TENM2: variants seen among roughly 807,000 people sequenced by gnomAD.
The protein encoded by TENM2 is teneurin-2.
A neutral mutation model predicts 245.2 loss-of-function variants in TENM2; 52 were observed. The ratio of observed to expected loss-of-function variants is 0.21; its 90% confidence interval spans 0.17 to 0.27. TENM2 has a LOEUF of 0.27. TENM2 is among the 10% of genes least tolerant of loss of function. The pLI, the probability that TENM2 is intolerant of heterozygous loss-of-function variation, is 1.00. For synonymous variants in TENM2, 1,363 were observed against 1,438.9 expected, an observed-to-expected ratio of 0.95 and a Z score of 1.19; for missense variants, 3,046 against 3,666.8, an observed-to-expected ratio of 0.83 and a Z score of 4.37.
At chr5:167,963,810 A>G (rs1213675661) in intron 4 of TENM2, among the ~76,000 whole-genome samples, 1 of 151,876 alleles carries the variant, frequency 6.6e-6, no homozygotes, top group Non-Finnish European at 1.5e-5. Context: ...TGATGAGTAC[A>G]TTGGAGGGGC....
the TENM2 span, among the ~76,000 whole-genome samples, chr5:167,044,805 T>C: frequency 6.6e-6 from 1 of 152,206 alleles, no homozygotes; most frequent in African/African-American, 2.4e-5. Flanking sequence ...GCTTTGTCTA[T>C]TAGTAAAATA....
At chr5:167,622,392 C>G (rs1778234412) in intron 2 of TENM2, among the ~76,000 whole-genome samples, 1 of 152,028 alleles carries the variant, frequency 6.6e-6, no homozygotes, top group Admixed American at 6.6e-5. Flanking sequence ...AAAGAAGAAG[C>G]CTCAGATGAA....
At chr5:167,933,664 T>C (rs1312273999) in intron 3 of TENM2, among the ~76,000 whole-genome samples, 1 of 151,590 alleles carries the variant, frequency 6.6e-6, no homozygotes, top group Non-Finnish European at 1.5e-5. Context: ...TATGAATAAA[T>C]TGTGAAAAAA....
At chr5:167,070,629 T>C in the TENM2 span, among the ~76,000 whole-genome samples, 65,783 of 151,828 alleles carry the variant, frequency 0.43, 14,896 homozygotes, top group African/African-American at 0.52. Context: ...ATTATTATTA[T>C]TGTTATTATC....
intron 2 of TENM2, among the ~76,000 whole-genome samples, chr5:167,486,454 G>A (rs1222355456): frequency 3.3e-5 from 5 of 151,366 alleles, no homozygotes; most frequent in Admixed American, 1.3e-4. Flanking sequence ...TCAGCCTCCC[G>A]AGTAGCTGGG....
At chr5:167,905,926 A>G (rs562280015) in intron 3 of TENM2, among the ~76,000 whole-genome samples, 1 of 152,330 alleles carries the variant, frequency 6.6e-6, no homozygotes, top group Admixed American at 6.5e-5. Flanking sequence ...AAGCATAATT[A>G]GTGTTTTTTA....
intron 3 of TENM2, among the ~76,000 whole-genome samples, chr5:167,918,531 T>C (rs1156323443): frequency 6.6e-6 from 1 of 152,182 alleles, no homozygotes; most frequent in African/African-American, 2.4e-5. Context: ...TTTGTCACCA[T>C]AAAGGCAGGA....
chr5:167,002,210 G>C, the TENM2 span, among the ~76,000 whole-genome samples: 1 of 152,094 alleles, frequency 6.6e-6, no homozygotes, highest in Non-Finnish European at 1.5e-5. Context: ...GGAAATTTGG[G>C]CCTGAAGAAG....
At chr5:167,612,209 C>G (rs1777520981) in intron 2 of TENM2, among the ~76,000 whole-genome samples, 1 of 152,034 alleles carries the variant, frequency 6.6e-6, no homozygotes, top group Admixed American at 6.6e-5. Flanking sequence ...CACAATGTGT[C>G]CTAAATAGAG....
chr5:167,086,757 C>T, the TENM2 span, among the ~76,000 whole-genome samples: 36 of 151,906 alleles, frequency 2.4e-4, no homozygotes, highest in South Asian at 5.6e-3. Flanking sequence ...AGAAAGTGCC[C>T]GGAATGCAAA....
At chr5:167,795,159 T>G (rs1051562730) in intron 2 of TENM2, among the ~76,000 whole-genome samples, 3 of 152,178 alleles carry the variant, frequency 2.0e-5, no homozygotes, top group Admixed American at 1.3e-4. Flanking sequence ...GTGACCTGAA[T>G]GCCAGACTGG....
chr5:167,360,378 G>A (rs1023774728), intron 1 of TENM2, among the ~76,000 whole-genome samples: 1 of 152,116 alleles, frequency 6.6e-6, no homozygotes, highest in African/African-American at 2.4e-5. Flanking sequence ...TTAGCATTTA[G>A]TAAGCACCAA....
chr5:167,494,363 G>T (rs1201766820), intron 2 of TENM2, among the ~76,000 whole-genome samples: 1 of 152,154 alleles, frequency 6.6e-6, no homozygotes, highest in Non-Finnish European at 1.5e-5. Flanking sequence ...TGAGGACAAA[G>T]AACTTTGTCA....
At chr5:167,127,202 A>G in the TENM2 span, among the ~76,000 whole-genome samples, 2 of 152,198 alleles carry the variant, frequency 1.3e-5, no homozygotes, top group East Asian at 1.9e-4. Context: ...TGTAACTTCT[A>G]TAAAAACAGT....
chr5:167,445,198 T>C (rs1243994536), intron 2 of TENM2, among the ~76,000 whole-genome samples: 2 of 151,720 alleles, frequency 1.3e-5, no homozygotes, highest in African/African-American at 4.8e-5. Flanking sequence ...ATAATACCAA[T>C]ATTAGCAAAT....
intron 2 of TENM2, among the ~76,000 whole-genome samples, chr5:167,668,377 T>C (rs1028357829): frequency 4.6e-5 from 7 of 152,220 alleles, no homozygotes; most frequent in African/African-American, 1.4e-4. Flanking sequence ...GAGGGTGTTA[T>C]GAGGTTTCAT....
At chr5:167,462,737 C>G (rs1042212593) in intron 2 of TENM2, among the ~76,000 whole-genome samples, 11 of 151,690 alleles carry the variant, frequency 7.3e-5, no homozygotes, top group African/African-American at 2.7e-4. Context: ...GCTTGTGGAG[C>G]CTTGGGTTTG....
chr5:167,917,847 C>G (rs1777065604), intron 3 of TENM2, among the ~76,000 whole-genome samples: 1 of 152,104 alleles, frequency 6.6e-6, no homozygotes, highest in African/African-American at 2.4e-5. Context: ...GGTAATAGTT[C>G]AACATGTTGA....
chr5:167,885,253 G>C (rs1774192951), intron 3 of TENM2, among the ~76,000 whole-genome samples: 1 of 151,984 alleles, frequency 6.6e-6, no homozygotes, highest in Non-Finnish European at 1.5e-5. Context: ...TTTAATCTTG[G>C]TGTGGTCCAG....
Sources: allele counts gnomAD v4.1 joint callset (sites outside exome capture counted in the v4.1 genomes callset), GRCh38; gene constraint gnomAD v4.1.1; transcripts MANE v1.5; gene names NCBI Gene and HGNC (gene_info 2026-07-23, HGNC 2026-07-21).